The following KCNT2 variants were observed in gnomAD, a reference collection of about 807,000 sequenced individuals.
The protein encoded by KCNT2 is potassium channel subfamily T member 2.
Under a neutral mutation model 153.8 loss-of-function variants are expected in KCNT2, and 67 were observed. The ratio of observed to expected loss-of-function variants is 0.44; its 90% CI spans 0.36 to 0.53. The LOEUF (loss-of-function observed/expected upper bound fraction) is 0.53. KCNT2 is among the 20% of genes least tolerant of loss of function. The pLI is 0.00. For synonymous variants in KCNT2, 500 were observed against 458.8 expected, an observed-to-expected ratio of 1.09 and a Z score of -1.15; for missense variants, 975 against 1,354.8, an observed-to-expected ratio of 0.72 and a Z score of 4.40.
intron 27 of KCNT2, among the ~76,000 whole-genome samples, chr1:196,234,766 T>A (rs1654277861): frequency 6.6e-6 from 1 of 151,452 alleles, no homozygotes; most frequent in South Asian, 2.1e-4. Context: ...ATGTTCTCAG[T>A]CCTGCTAGTC....
chr1:196,254,768 T>C (rs942291577), intron 26 of KCNT2, among the ~76,000 whole-genome samples: 3 of 151,588 alleles, frequency 2.0e-5, no homozygotes, highest in African/African-American at 7.2e-5. Flanking sequence ...AGACAATGAC[T>C]AAGAACTAAG....
intron 1 of KCNT2, among the ~76,000 whole-genome samples, chr1:196,588,117 G>C (rs1023528004): frequency 6.6e-6 from 1 of 151,986 alleles, no homozygotes; most frequent in East Asian, 1.9e-4. Context: ...ATTTCAAGAC[G>C]GAGTGGCTTT....
At chr1:196,500,308 GGGAGGGAGGGAGGGAA>G in intron 1 of KCNT2, among the ~76,000 whole-genome samples, 1 of 108,626 alleles carries the variant, frequency 9.2e-6, no homozygotes, top group Non-Finnish European at 2.0e-5. Context: ...GAGGGAGGGA[GGGAGGGAGGGAGGGAA>G]AGAAAGAAAA....
chr1:196,232,003 T>C (rs1459809679), intron 27 of KCNT2, among the ~76,000 whole-genome samples: 2 of 151,814 alleles, frequency 1.3e-5, no homozygotes, highest in Admixed American at 1.3e-4. Context: ...AGAACGCTAA[T>C]AAAGTTTGCA....
chr1:196,500,253 AAAGGAAGG>A (rs1223108904), intron 1 of KCNT2, among the ~76,000 whole-genome samples: 3 of 95,222 alleles, frequency 3.2e-5, no homozygotes, highest in Non-Finnish European at 6.2e-5. Context: ...AAAGAAAGAA[AAAGGAAGG>A]AAGGAAGGAA....
chr1:196,313,172 T>C (rs944140775), intron 21 of KCNT2, among the ~76,000 whole-genome samples: 1 of 151,518 alleles, frequency 6.6e-6, no homozygotes, highest in Non-Finnish European at 1.5e-5. Context: ...CTAGGGTAAG[T>C]AAAAAGGTAG....
chr1:196,487,041 G>C (rs971652223), intron 3 of KCNT2, among the ~76,000 whole-genome samples: 5 of 152,016 alleles, frequency 3.3e-5, no homozygotes, highest in Non-Finnish European at 7.4e-5. Context: ...CTCTTTGAAA[G>C]AATGGACATT....
chr1:196,449,543 C>A (rs916318908), intron 8 of KCNT2, among the ~76,000 whole-genome samples: 3 of 151,546 alleles, frequency 2.0e-5, no homozygotes, highest in Non-Finnish European at 4.4e-5. Context: ...TCAGTTTAAG[C>A]AATGCATGTA....
Position 196,342,250 on chromosome 1 carries a change from A to G in KCNT2, c.1404-22T>C, listed in dbSNP as rs745922719. Reference sequence around the variant, plus strand: ...TTCTCTGCAACACAGGCACACACACATACACACACACAAAAAGAAAACACA... The same window carrying G: ...TTCTCTGCAACACAGGCACACACACGTACACACACACAAAAAGAAAACACA... On this transcript the variant is annotated intron_variant, in intron 14 of 27. Coordinates refer to ENST00000294725, the MANE Select transcript of KCNT2 (RefSeq NM_198503.5). The G allele has an allele frequency of 3.1e-6, 5 of 1,589,972 alleles. No individual in the cohort carries two copies. The African/African-American group carries it at 5.4e-5, about 17-fold the overall frequency.
chr1:196,406,752 T>C (rs1189466893), intron 12 of KCNT2, among the ~76,000 whole-genome samples: 1 of 151,394 alleles, frequency 6.6e-6, no homozygotes, highest in Admixed American at 6.6e-5. Context: ...GGTTCTAGTT[T>C]TAGGAAAAAA....
chr1:196,329,879 A>ACG (rs151210762), intron 18 of KCNT2, among the ~76,000 whole-genome samples: 1 of 124,796 alleles, frequency 8.0e-6, no homozygotes, highest in African/African-American at 3.2e-5. Flanking sequence ...ATACACTTAT[A>ACG]TGTGTGTGTG....
intron 26 of KCNT2, among the ~76,000 whole-genome samples, chr1:196,257,032 G>T (rs1429758710): frequency 6.6e-6 from 1 of 152,006 alleles, no homozygotes; most frequent in Non-Finnish European, 1.5e-5. Context: ...ATTTAAGTAA[G>T]TATCATATAA....
At chr1:196,496,822 G>A (rs986640372) in intron 1 of KCNT2, among the ~76,000 whole-genome samples, 4 of 152,100 alleles carry the variant, frequency 2.6e-5, no homozygotes, top group Non-Finnish European at 4.4e-5. Flanking sequence ...TTAGACACAC[G>A]AATTCACCTA....
intron 27 of KCNT2, among the ~76,000 whole-genome samples, chr1:196,230,639 A>G (rs1450018913): frequency 1.3e-5 from 2 of 152,022 alleles, no homozygotes; most frequent in Admixed American, 6.6e-5. Context: ...CAAGACTTCA[A>G]TGGAGGAAGT....
At chr1:196,457,522 C>CA (rs1179613680) in intron 8 of KCNT2, among the ~76,000 whole-genome samples, 18,255 of 76,342 alleles carry the variant, frequency 0.24, 1,467 homozygotes, top group Middle Eastern at 0.49. Flanking sequence ...TAAAGCTTAC[C>CA]AAAAAAAAAA....
chr1:196,310,880 C>A (rs902013600), intron 21 of KCNT2, among the ~76,000 whole-genome samples: 8 of 151,810 alleles, frequency 5.3e-5, no homozygotes, highest in Non-Finnish European at 1.0e-4. Flanking sequence ...ACATACTTTA[C>A]AAAGCCATGA....
intron 1 of KCNT2, among the ~76,000 whole-genome samples, chr1:196,513,232 C>A (rs78547538): frequency 6.6e-6 from 1 of 152,198 alleles, no homozygotes; most frequent in East Asian, 1.9e-4. Flanking sequence ...GTATGCTCAG[C>A]ACCTAATTCA....
At chr1:196,402,969 A>G (rs188519942) in intron 12 of KCNT2, among the ~76,000 whole-genome samples, 7 of 151,792 alleles carry the variant, frequency 4.6e-5, no homozygotes, top group Non-Finnish European at 1.0e-4. Context: ...GCTGGGAGGG[A>G]ATGCAAAATG....
chr1:196,527,398 A>T (rs77710568), intron 1 of KCNT2, among the ~76,000 whole-genome samples: 8,352 of 152,216 alleles, frequency 0.055, 760 homozygotes, highest in African/African-American at 0.19. Flanking sequence ...TCATACTAAC[A>T]TGAAGTTAGG....
Sources: gnomAD v4.1 joint callset for allele counts (sites outside exome capture counted in the v4.1 genomes callset) on GRCh38, gnomAD v4.1.1 for gene constraint, MANE v1.5 for transcripts, NCBI Gene and HGNC (gene_info 2026-07-23, HGNC 2026-07-21) for gene names.